The following PDGFC variants were observed in gnomAD, a reference collection of about 807,000 sequenced individuals.
PDGFC encodes the protein platelet derived growth factor C, also known as platelet-derived growth factor C.
In PDGFC, 12 loss-of-function variants were observed where a neutral mutation model predicts 35.5. The observed-to-expected ratio is 0.34, with a 90% confidence interval of 0.22 to 0.55. The LOEUF is 0.55. Ranked by LOEUF, PDGFC falls within the 20% of genes least tolerant of loss-of-function variation. PDGFC has a pLI of 0.91. For missense variants in PDGFC, 322 were observed against 412.4 expected, an observed-to-expected ratio of 0.78 and a Z score of 1.90; for synonymous variants, 159 against 148.8, an observed-to-expected ratio of 1.07 and a Z score of -0.50.
intron 1 of PDGFC, among the ~76,000 whole-genome samples, chr4:156,942,243 G>A (rs1052634979): frequency 2.0e-5 from 3 of 152,040 alleles, no homozygotes; most frequent in African/African-American, 7.2e-5. Context: ...GGCTGGCCAG[G>A]GGAGGAGGGT....
rs148521240 is a variant in PDGFC at position 156,796,928 on chromosome 4, G to A, written c.495+13909C>T. ...GTCACAATTTGCTACAACCTTGCAAGACAAAGAAGAAAGTATTAAAAGAAA... is the reference window on the plus strand; with the variant it reads ...GTCACAATTTGCTACAACCTTGCAAAACAAAGAAGAAAGTATTAAAAGAAA... On this transcript the variant is annotated intron_variant, in intron 3 of 5. Transcript: ENST00000502773. 3.4e-3 allele frequency among the ~76,000 whole-genome samples: 516 copies of A among 152,136 alleles called. 3 individuals are homozygous for A. Among genetic ancestry groups the A allele is most frequent in the African/African-American group, 0.011 (455 of 41,508 alleles).
chr4:156,859,130 A>G (rs796734875), intron 1 of PDGFC, among the ~76,000 whole-genome samples: 50 of 152,232 alleles, frequency 3.3e-4, no homozygotes, highest in African/African-American at 1.2e-3. Context: ...GATACTTAAA[A>G]TTCTCTTTTT....
intron 3 of PDGFC, among the ~76,000 whole-genome samples, chr4:156,777,828 T>A (rs937692557): frequency 6.6e-6 from 1 of 152,046 alleles, no homozygotes; most frequent in Admixed American, 6.6e-5. Context: ...CTCACACAGG[T>A]GCAGTGGCTC....
chr4:156,905,708 G>C (rs922686697), intron 1 of PDGFC, among the ~76,000 whole-genome samples: 1 of 151,996 alleles, frequency 6.6e-6, no homozygotes, highest in African/African-American at 2.4e-5. Context: ...CATTCTCAAA[G>C]AAACACTATT....
chr4:156,887,669 C>A (rs1730406758), intron 1 of PDGFC, among the ~76,000 whole-genome samples: 1 of 152,028 alleles, frequency 6.6e-6, no homozygotes, highest in Non-Finnish European at 1.5e-5. Context: ...GTGAATAGTT[C>A]AAAAAGCTTT....
intron 2 of PDGFC, among the ~76,000 whole-genome samples, chr4:156,838,496 T>G (rs1339874664): frequency 6.6e-6 from 1 of 151,580 alleles, no homozygotes; most frequent in African/African-American, 2.4e-5. Flanking sequence ...ACCTTGACAC[T>G]TTCATGACTT....
chr4:156,787,644 C>T (rs903879375), intron 3 of PDGFC, among the ~76,000 whole-genome samples: 13 of 151,340 alleles, frequency 8.6e-5, no homozygotes, highest in African/African-American at 3.2e-4. Flanking sequence ...AATAGAATGG[C>T]CAATGGAAAA....
At chr4:156,809,207 T>C (rs1048641491) in intron 3 of PDGFC, among the ~76,000 whole-genome samples, 2 of 152,032 alleles carry the variant, frequency 1.3e-5, no homozygotes, top group East Asian at 3.9e-4. Flanking sequence ...TATTGACAAT[T>C]TACCAATCAT....
At chr4:156,854,090 A>G (rs189067390) in intron 1 of PDGFC, among the ~76,000 whole-genome samples, 1 of 152,364 alleles carries the variant, frequency 6.6e-6, no homozygotes, top group African/African-American at 2.4e-5. Context: ...GTTTCTTCCG[A>G]TAATCTACAT....
chr4:156,952,199 CTT>C (rs764971030), intron 1 of PDGFC, among the ~76,000 whole-genome samples: 6 of 151,806 alleles, frequency 4.0e-5, no homozygotes, highest in Non-Finnish European at 8.8e-5. Context: ...CCAATATCCT[CTT>C]TGTGCTTAAA....
chr4:156,916,353 C>T (rs1265051449), intron 1 of PDGFC, among the ~76,000 whole-genome samples: 5 of 152,172 alleles, frequency 3.3e-5, no homozygotes, highest in African/African-American at 1.2e-4. Flanking sequence ...GTCCCTCATC[C>T]TATTAAGGTC....
intron 5 of PDGFC, among the ~76,000 whole-genome samples, chr4:156,765,388 G>A (rs1578994720): frequency 6.6e-6 from 1 of 152,178 alleles, no homozygotes; most frequent in East Asian, 1.9e-4. Flanking sequence ...AATGTCCAGG[G>A]AGAAGCTGAG....
intron 1 of PDGFC, among the ~76,000 whole-genome samples, chr4:156,923,000 T>C (rs771717491): frequency 1.1e-4 from 16 of 152,308 alleles, no homozygotes; most frequent in Non-Finnish European, 2.2e-4. Flanking sequence ...TTTTTATGCT[T>C]GCCCACGTTA....
chr4:156,929,771 G>A (rs147837982), intron 1 of PDGFC, among the ~76,000 whole-genome samples: 168 of 152,246 alleles, frequency 1.1e-3, no homozygotes, highest in African/African-American at 3.9e-3. Flanking sequence ...AGTGACTTAT[G>A]GATATTAGAA....
intron 3 of PDGFC, among the ~76,000 whole-genome samples, chr4:156,776,872 T>C (rs1730842497): frequency 6.6e-6 from 1 of 152,146 alleles, no homozygotes; most frequent in Non-Finnish European, 1.5e-5. Context: ...CACTACAAAA[T>C]ATGGTAGCTA....
rs575588122 is a variant in PDGFC at position 156,916,889 on chromosome 4, G to A, written c.118+53897C>T. On this transcript the variant is annotated intron_variant, in intron 1 of 5. Coordinates refer to ENST00000502773, the MANE Select transcript of PDGFC (RefSeq NM_016205.3). Reference sequence around the variant, plus strand: ...ACTATCCAAAACTCTTAAGTCTTTTGCAATAATGAAAATCCCAGGACACTC... The same window carrying A: ...ACTATCCAAAACTCTTAAGTCTTTTACAATAATGAAAATCCCAGGACACTC... 1.1e-4 allele frequency among the ~76,000 whole-genome samples: 16 copies of A among 152,266 alleles called. No homozygotes were observed. The East Asian group carries it at 3.1e-3, about 29-fold the overall frequency.
At chr4:156,801,581 C>A (rs1731613555) in intron 3 of PDGFC, among the ~76,000 whole-genome samples, 1 of 152,140 alleles carries the variant, frequency 6.6e-6, no homozygotes, top group South Asian at 2.1e-4. Context: ...TCCTTGGAAG[C>A]CATTTATAGA....
intron 1 of PDGFC, among the ~76,000 whole-genome samples, chr4:156,866,679 A>G (rs2111129417): frequency 6.6e-6 from 1 of 152,328 alleles, no homozygotes; most frequent in East Asian, 1.9e-4. Flanking sequence ...GACCAATACC[A>G]TCAGACCTTC....
intron 4 of PDGFC, among the ~76,000 whole-genome samples, chr4:156,768,816 C>A (rs1287321674): frequency 6.6e-6 from 1 of 151,964 alleles, no homozygotes; most frequent in Non-Finnish European, 1.5e-5. Context: ...GAGGACCTAA[C>A]AAAATATTCT....
Sources: gnomAD v4.1 joint callset for allele counts (sites outside exome capture counted in the v4.1 genomes callset) on GRCh38, gnomAD v4.1.1 for gene constraint, MANE v1.5 for transcripts, NCBI Gene and HGNC (gene_info 2026-07-23, HGNC 2026-07-21) for gene names.